CELF2: variants seen among roughly 807,000 people sequenced by gnomAD.
The protein encoded by CELF2 is CUG triplet repeat RNA-binding protein 2.
A neutral mutation model predicts 62.6 loss-of-function variants in CELF2; 8 were observed. The ratio of observed to expected loss-of-function variants is 0.13; its 90% CI spans 0.07 to 0.23. The LOEUF is 0.23. CELF2 is among the 10% of genes least tolerant of loss of function. CELF2 has a pLI of 1.00. For missense variants in CELF2, 333 were observed against 671.0 expected (o/e 0.50, Z 5.56); for synonymous variants, 258 against 250.0 (o/e 1.03, Z -0.30).
At chr10:10,741,492 CAAAAAAAAAAAAAAA>C in the CELF2 span, among the ~76,000 whole-genome samples, 4 of 57,344 alleles carry the variant, frequency 7.0e-5, no homozygotes, top group Non-Finnish European at 1.2e-4. Flanking sequence ...GACTCCGTCT[CAAAAAAAAAAAAAAA>C]AAAAAAAAAA....
the CELF2 span, among the ~76,000 whole-genome samples, chr10:10,505,846 G>A: frequency 6.6e-6 from 1 of 152,184 alleles, no homozygotes; most frequent in Admixed American, 6.5e-5. Context: ...TTTTTAAAAT[G>A]TGCCTATTGC....
the CELF2 span, among the ~76,000 whole-genome samples, chr10:10,609,363 G>A: frequency 5.9e-5 from 9 of 152,184 alleles, no homozygotes; most frequent in Admixed American, 5.9e-4. Flanking sequence ...CATCCAATAA[G>A]TCATAGTGAG....
the CELF2 span, among the ~76,000 whole-genome samples, chr10:10,755,181 A>G: frequency 6.6e-6 from 1 of 152,238 alleles, no homozygotes; most frequent in Non-Finnish European, 1.5e-5. Context: ...GTAGATACAA[A>G]GAATTCCTAG....
intron 1 of CELF2, 63 bp downstream of exon 1, chr10:11,018,226 G>A (rs1264906129): frequency 1.1e-5 from 15 of 1,403,896 alleles, no homozygotes; most frequent in Non-Finnish European, 1.3e-5. Flanking sequence ...TCGGCGGCGC[G>A]AAGGGGACGG....
intron 1 of CELF2, chr10:11,018,725 G>A (rs996364688): frequency 6.5e-6 from 1 of 153,280 alleles, no homozygotes; most frequent in Admixed American, 6.5e-5. Flanking sequence ...GGGTCCGGGC[G>A]GGGTGCGCGC....
chr10:10,799,190 C>T (rs974213378), intron 1 of CELF2, among the ~76,000 whole-genome samples: 18 of 152,196 alleles, frequency 1.2e-4, no homozygotes, highest in Admixed American at 7.2e-4. Flanking sequence ...GATAGAAGAG[C>T]GAAATTTGGC....
At chr10:10,778,633 T>TAA in the CELF2 span, among the ~76,000 whole-genome samples, 12 of 152,222 alleles carry the variant, frequency 7.9e-5, no homozygotes, top group Middle Eastern at 3.2e-3. Context: ...GGAGACTCTC[T>TAA]AAGTCCCTCA....
the CELF2 span, among the ~76,000 whole-genome samples, chr10:10,658,207 T>G: frequency 6.6e-5 from 10 of 152,326 alleles, no homozygotes; most frequent in Non-Finnish European, 5.9e-5. Flanking sequence ...ATGGTTAGCT[T>G]GTGGACCACT....
the CELF2 span, among the ~76,000 whole-genome samples, chr10:10,571,977 A>C: frequency 6.6e-6 from 1 of 152,290 alleles, no homozygotes; most frequent in African/African-American, 2.4e-5. Flanking sequence ...AGAGGGAGGC[A>C]GAACAGTCTG....
At chr10:10,799,907 A>C (rs936375693) in intron 1 of CELF2, among the ~76,000 whole-genome samples, 2 of 152,206 alleles carry the variant, frequency 1.3e-5, no homozygotes, top group Non-Finnish European at 2.9e-5. Context: ...GTGGTTCTGC[A>C]CAGTGTCATG....
At chr10:10,949,960 C>A (rs2048140595) in intron 2 of CELF2, among the ~76,000 whole-genome samples, 1 of 151,972 alleles carries the variant, frequency 6.6e-6, no homozygotes, top group Admixed American at 6.6e-5. Flanking sequence ...GGAACTTTGC[C>A]TTTTTCAATG....
the CELF2 span, among the ~76,000 whole-genome samples, chr10:10,542,030 C>G: frequency 0.096 from 14,629 of 152,210 alleles, 756 homozygotes; most frequent in Middle Eastern, 0.2. Flanking sequence ...CACTGCCTCT[C>G]CCAGACAGAA....
At chr10:10,877,433 G>A (rs2061173199) in intron 1 of CELF2, among the ~76,000 whole-genome samples, 2 of 152,344 alleles carry the variant, frequency 1.3e-5, no homozygotes, top group African/African-American at 4.8e-5. Flanking sequence ...TGGGGAGAGT[G>A]CTTCCAGGTC....
chr10:10,548,902 G>T, the CELF2 span, among the ~76,000 whole-genome samples: 4 of 152,118 alleles, frequency 2.6e-5, no homozygotes, highest in African/African-American at 9.7e-5. Flanking sequence ...TCTAGACAAG[G>T]GTTAAATTAT....
chr10:11,017,993 C>A lies in CELF2; in HGVS notation c.-97C>A, dbSNP rs2057541939. 1.4e-5 allele frequency: 14 copies of A among 997,580 alleles called. 1 individual carries two copies. The highest frequency in any genetic ancestry group is 1.7e-5 in the Non-Finnish European group (14 of 838,928). 61.8% of individuals were successfully genotyped at this position (997,580 alleles called of 1,614,324 possible). A position where few individuals can be genotyped will look rare whatever the true frequency, so the allele number is the denominator to read the frequency against. On this transcript the variant is annotated 5_prime_UTR_variant, in exon 1 of 13. Transcript: ENST00000633077. This position sits in a 1 kb window ranked among gnomAD's most constrained non-coding sequence, Gnocchi z 5.5. ...CCGGCTCGGCGGCCGCCGGGGGAGG[C>A]CGCGCGCACCTGTCCCTGCCCGTCT...
the CELF2 span, among the ~76,000 whole-genome samples, chr10:10,509,699 C>T: frequency 6.6e-6 from 1 of 152,172 alleles, no homozygotes; most frequent in East Asian, 1.9e-4. Flanking sequence ...TCTCTGCTGC[C>T]ATCTCTTGTC....
At chr10:10,504,736 C>T in the CELF2 span, among the ~76,000 whole-genome samples, 24 of 151,066 alleles carry the variant, frequency 1.6e-4, no homozygotes, top group African/African-American at 5.8e-4. Flanking sequence ...TTTCTTTTTT[C>T]AGTGTATTTC....
chr10:11,137,039 G>A (rs2060544444), intron 1 of CELF2, among the ~76,000 whole-genome samples: 1 of 151,992 alleles, frequency 6.6e-6, no homozygotes, highest in Non-Finnish European at 1.5e-5. Flanking sequence ...ACATATATGT[G>A]TATATGTGAC....
chr10:10,549,131 G>A, the CELF2 span, among the ~76,000 whole-genome samples: 1 of 152,200 alleles, frequency 6.6e-6, no homozygotes, highest in Non-Finnish European at 1.5e-5. Context: ...GACAAGGGTA[G>A]CTAGAGAAGA....
Sources: allele counts gnomAD v4.1 joint callset (sites outside exome capture counted in the v4.1 genomes callset), GRCh38; gene constraint gnomAD v4.1.1; non-coding constraint Gnocchi (gnomAD v3.1); transcripts MANE v1.5; gene names NCBI Gene and HGNC (gene_info 2026-07-23, HGNC 2026-07-21).